Variants in MTCL2 observed in about 807,000 individuals in gnomAD.
MTCL2 encodes microtubule crosslinking factor 2.
At chr20:36,784,754 G>C in the MTCL2 span, 1 of 985,636 alleles carries the variant, frequency 1.0e-6, no homozygotes, top group African/African-American at 1.7e-5. Context: ...CAGCAGAGCT[G>C]GGGCAGGGAG....
the MTCL2 span, among the ~76,000 whole-genome samples, chr20:36,818,488 G>A: frequency 6.6e-6 from 1 of 152,050 alleles, no homozygotes; most frequent in Admixed American, 6.6e-5. Flanking sequence ...AGAGACTGAT[G>A]GCAAACAGTG....
At chr20:36,863,137 G>T in the MTCL2 span, 1 of 1,392,466 alleles carries the variant, frequency 7.2e-7, no homozygotes, top group Non-Finnish European at 9.4e-7. This position sits in a 1 kb window ranked among gnomAD's most constrained non-coding sequence, Gnocchi z 6.2. Context: ...TTCTTGTCCG[G>T]CCGTGAGGAG....
At chr20:36,847,853 C>CAAAAAA in the MTCL2 span, among the ~76,000 whole-genome samples, 1 of 83,584 alleles carries the variant, frequency 1.2e-5, no homozygotes, top group African/African-American at 4.5e-5. Context: ...CAGTCTGACT[C>CAAAAAA]AAAAAAAAAA....
chr20:36,847,116 G>C, the MTCL2 span, among the ~76,000 whole-genome samples: 1 of 152,228 alleles, frequency 6.6e-6, no homozygotes, highest in Admixed American at 6.5e-5. Context: ...TACCGACCCT[G>C]TGAGGTAGGT....
chr20:36,849,198 A>AC, the MTCL2 span, among the ~76,000 whole-genome samples: 1 of 150,890 alleles, frequency 6.6e-6, no homozygotes, highest in African/African-American at 2.4e-5. Flanking sequence ...AGTAGCTGGG[A>AC]TTACAGGCAT....
At chr20:36,814,881 C>T in the MTCL2 span, among the ~76,000 whole-genome samples, 5 of 151,616 alleles carry the variant, frequency 3.3e-5, no homozygotes, top group South Asian at 2.1e-4. Flanking sequence ...AGCGAGACTC[C>T]GTCTCAAAAA....
At chr20:36,847,034 T>C in the MTCL2 span, among the ~76,000 whole-genome samples, 2 of 152,120 alleles carry the variant, frequency 1.3e-5, no homozygotes, top group Middle Eastern at 6.3e-3. Context: ...CTACCACCTA[T>C]TAGGAGGCTC....
chr20:36,793,896 G>A, the MTCL2 span: 4 of 1,550,724 alleles, frequency 2.6e-6, no homozygotes, highest in Admixed American at 3.9e-5. The surrounding 1 kb of genome is among the most constrained non-coding windows in gnomAD (Gnocchi z 6.8). Context: ...AGGCTGCTGC[G>A]GGGTGGGTCG....
the MTCL2 span, chr20:36,839,237 C>A: frequency 6.2e-7 from 1 of 1,602,784 alleles, no homozygotes. This position sits in a 1 kb window ranked among gnomAD's most constrained non-coding sequence, Gnocchi z 5.1. Flanking sequence ...TGCTCCAGAC[C>A]ACGGATAAGC....
At chr20:36,784,429 T>C in the MTCL2 span, 2 of 985,486 alleles carry the variant, frequency 2.0e-6, no homozygotes, top group Non-Finnish European at 2.4e-6. Flanking sequence ...GTCTGGGAAC[T>C]GGCAGGTGGG....
the MTCL2 span, among the ~76,000 whole-genome samples, chr20:36,858,408 AC>A: frequency 9.8e-6 from 1 of 101,680 alleles, no homozygotes; most frequent in Non-Finnish European, 2.0e-5. Context: ...ACACACACAC[AC>A]ACACACACAC....
At chr20:36,807,160 G>A in the MTCL2 span, among the ~76,000 whole-genome samples, 3 of 152,336 alleles carry the variant, frequency 2.0e-5, no homozygotes, top group East Asian at 3.9e-4. Flanking sequence ...CTATGGAATG[G>A]CGGTAGTGAC....
At chr20:36,828,107 C>T in the MTCL2 span, among the ~76,000 whole-genome samples, 5 of 152,194 alleles carry the variant, frequency 3.3e-5, no homozygotes, top group African/African-American at 1.2e-4. Flanking sequence ...GCGCCTGCAG[C>T]GAGGAGTGTG....
the MTCL2 span, chr20:36,782,699 A>T: frequency 6.6e-6 from 1 of 152,068 alleles, no homozygotes; most frequent in Non-Finnish European, 1.5e-5. Context: ...ATGCTCAGCT[A>T]ATTTTTTGTA....
At chr20:36,830,673 T>G in the MTCL2 span, among the ~76,000 whole-genome samples, 1 of 152,216 alleles carries the variant, frequency 6.6e-6, no homozygotes, top group African/African-American at 2.4e-5. Context: ...TCTCTGCCAG[T>G]GACCAGCATG....
At chr20:36,858,012 G>A in the MTCL2 span, among the ~76,000 whole-genome samples, 291 of 152,068 alleles carry the variant, frequency 1.9e-3, no homozygotes, top group African/African-American at 6.4e-3. Flanking sequence ...CAGGCTCCGG[G>A]CCCCCAGCAT....
chr20:36,798,261 G>A, the MTCL2 span, among the ~76,000 whole-genome samples: 1 of 152,120 alleles, frequency 6.6e-6, no homozygotes, highest in African/African-American at 2.4e-5. Flanking sequence ...AGTAGAGACG[G>A]GTTTCACATG....
At chr20:36,780,826 A>G in the MTCL2 span, 1 of 152,208 alleles carries the variant, frequency 6.6e-6, no homozygotes, top group African/African-American at 2.4e-5. Flanking sequence ...ACATCCTTGC[A>G]TCTTAGGTTC....
At chr20:36,814,937 T>A in the MTCL2 span, among the ~76,000 whole-genome samples, 1 of 152,044 alleles carries the variant, frequency 6.6e-6, no homozygotes, top group Admixed American at 6.6e-5. Context: ...GGTGCTCACT[T>A]GTAGTCCCAG....
Sources: gnomAD v4.1 joint callset for allele counts (sites outside exome capture counted in the v4.1 genomes callset) on GRCh38, gnomAD v4.1.1 for gene constraint, Gnocchi (gnomAD v3.1) non-coding constraint, MANE v1.5 for transcripts, NCBI Gene and HGNC (gene_info 2026-07-23, HGNC 2026-07-21) for gene names.